RPRD2: variants seen among roughly 807,000 people sequenced by gnomAD.
The protein encoded by RPRD2 is regulation of nuclear pre-mRNA domain containing 2, also known as regulation of nuclear pre-mRNA domain-containing protein 2.
In RPRD2, 12 loss-of-function variants were observed where a neutral mutation model predicts 104.4. The ratio of observed to expected loss-of-function variants is 0.11; its 90% CI spans 0.07 to 0.19. RPRD2 has a LOEUF of 0.19. RPRD2 is among the 10% of genes least tolerant of loss of function. The pLI, the probability that RPRD2 is intolerant of heterozygous loss-of-function variation, is 1.00. For synonymous variants in RPRD2, 714 were observed against 684.9 expected, an observed-to-expected ratio of 1.04 and a Z score of -0.66; for missense variants, 1,543 against 1,790.1, an observed-to-expected ratio of 0.86 and a Z score of 2.49.
At chr1:150,369,478 A>T (rs1660115532) in intron 1 of RPRD2, among the ~76,000 whole-genome samples, 1 of 51,946 alleles carries the variant, frequency 1.9e-5, no homozygotes, top group South Asian at 6.1e-4. Context: ...TTTTTTTGAG[A>T]CGGAGTCTTG....
At chr1:150,371,966 T>TA (rs782381368) in intron 1 of RPRD2, among the ~76,000 whole-genome samples, 3 of 152,162 alleles carry the variant, frequency 2.0e-5, no homozygotes, top group Non-Finnish European at 4.4e-5. Context: ...GAAGTTCTGA[T>TA]AGGCATTTAT....
chr1:150,393,661 G>A (rs946261898), intron 1 of RPRD2, among the ~76,000 whole-genome samples: 35 of 152,100 alleles, frequency 2.3e-4, no homozygotes, highest in Admixed American at 5.2e-4. Flanking sequence ...TAGTGGGATG[G>A]CATGAAAATT....
chr1:150,466,491 G>A (rs1266262948), intron 10 of RPRD2, among the ~76,000 whole-genome samples: 1 of 149,108 alleles, frequency 6.7e-6, no homozygotes, highest in African/African-American at 2.5e-5. Context: ...CAAGGCTGCA[G>A]TACGCTGTGG....
rs1281642801 is a variant in RPRD2, at chr1:150,438,085, C to G, written c.336-2838C>G. Among the ~76,000 whole-genome samples the G allele has an allele frequency of 2.0e-5, 3 of 147,646 alleles. No homozygotes were observed. The East Asian group carries it at 6.2e-4, about 31-fold the overall frequency. ...GATCATGAGGTCAGGAGTTTGAGAC[C>G]AGCCTGGCCAATACGGTGAAACCCC... On this transcript the variant is annotated intron_variant, in intron 2 of 10. Transcript: ENST00000369068.
chr1:150,398,047 GCA>G (rs1662663914), intron 1 of RPRD2, among the ~76,000 whole-genome samples: 2 of 151,950 alleles, frequency 1.3e-5, no homozygotes, highest in African/African-American at 4.8e-5. Context: ...GAGTGCAGTG[GCA>G]TGATCTTGTC....
At chr1:150,459,910 C>A in intron 8 of RPRD2, 150 bp from the exon 9 acceptor site, 1 of 699,342 alleles carries the variant, frequency 1.4e-6, no homozygotes, top group Non-Finnish European at 2.4e-6. Context: ...AAGAGTATGA[C>A]TTTTTCAAAA....
At chr1:150,441,206 G>A in intron 3 of RPRD2, 183 bp downstream of exon 3, 1 of 475,656 alleles carries the variant, frequency 2.1e-6, no homozygotes, top group Non-Finnish European at 3.7e-6. Context: ...AAGTAGAATT[G>A]GTTTTAGGGA....
intron 7 of RPRD2, among the ~76,000 whole-genome samples, chr1:150,452,199 G>T (rs1667233360): frequency 6.6e-6 from 1 of 151,288 alleles, no homozygotes; most frequent in South Asian, 2.1e-4. Flanking sequence ...AAAGCACAGG[G>T]AGAACATCAT....
intron 9 of RPRD2, among the ~76,000 whole-genome samples, chr1:150,461,795 A>G (rs1356550476): frequency 1.3e-5 from 2 of 151,914 alleles, no homozygotes; most frequent in Non-Finnish European, 2.9e-5. Flanking sequence ...CCTGGCCAAC[A>G]TGGTAAAACC....
rs587657131 is a variant in RPRD2 at position 150,407,342 on chromosome 1, G to A, written c.206-10254G>A. ...AAAAATACATTATTTAGTAAACAAA[G>A]CATCTCTGACTTCTATACATACAGC... is the stretch of plus-strand genomic sequence containing the variant. On this transcript the variant is annotated intron_variant, in intron 1 of 10. Transcript: ENST00000369068. Among the ~76,000 whole-genome samples the A allele has an allele frequency of 1.4e-4, 22 of 152,190 alleles. No homozygotes were observed. In the East Asian group the frequency reaches 4.1e-3, roughly 28 times the overall value.
At chr1:150,409,095 AAGTTAAC>A (rs1663711775) in intron 1 of RPRD2, 2 of 152,224 alleles carry the variant, frequency 1.3e-5, no homozygotes, top group African/African-American at 2.4e-5. Flanking sequence ...GTCTCCTACC[AAGTTAAC>A]AGTTTTATTT....
chr1:150,386,728 A>G (rs1408924693), intron 1 of RPRD2, among the ~76,000 whole-genome samples: 1 of 152,152 alleles, frequency 6.6e-6, no homozygotes, highest in African/African-American at 2.4e-5. Flanking sequence ...TTTTACTGAC[A>G]TATGCAATTT....
rs747568174 is a variant in RPRD2 at position 150,473,174 on chromosome 1, G to A, written c.4226G>A (p.Arg1409Gln). The change falls in exon 11 of 11, where the codon CGG becomes CAG. Residue 1409 changes from arginine to glutamine, a missense_variant. This residue lies in a region of RPRD2 where 880 missense variants were observed against 885.6 expected (regional missense o/e 0.99). Coordinates refer to ENST00000369068, the MANE Select transcript of RPRD2 (RefSeq NM_015203.5). ...CCCTCACACAGAGACACCATCAGCC[G>A]GAGTGGTATAATCTTACGGAGTCCC... ...LGPSHRDTIS[R>Q]SGIILRSPRP... 60 of 1,613,892 alleles carry A rather than the reference G, an allele frequency of 3.7e-5. No homozygotes were observed. The highest frequency in any genetic ancestry group is 8.0e-5 in the African/African-American group (6 of 74,940).
At chr1:150,456,496 G>A (rs1049972132) in intron 7 of RPRD2, among the ~76,000 whole-genome samples, 4 of 152,094 alleles carry the variant, frequency 2.6e-5, no homozygotes, top group African/African-American at 9.7e-5. Flanking sequence ...CGCCAGGGAT[G>A]ATGGTGTATG....
chr1:150,370,900 T>C (rs1485740514), intron 1 of RPRD2, among the ~76,000 whole-genome samples: 1 of 152,104 alleles, frequency 6.6e-6, no homozygotes, highest in Non-Finnish European at 1.5e-5. Context: ...AGAAACTTTA[T>C]GTATAAAAAT....
intron 2 of RPRD2, among the ~76,000 whole-genome samples, chr1:150,420,026 C>T (rs1414715802): frequency 1.3e-5 from 2 of 152,154 alleles, no homozygotes; most frequent in South Asian, 4.1e-4. Flanking sequence ...AGCCAGATTC[C>T]CACTTCAGGC....
intron 1 of RPRD2, among the ~76,000 whole-genome samples, chr1:150,386,803 AC>A (rs1553881909): frequency 6.6e-6 from 1 of 152,208 alleles, no homozygotes; most frequent in Non-Finnish European, 1.5e-5. Context: ...GTGGATACTC[AC>A]AATGCTTGAG....
Position 150,471,224 on chromosome 1 carries a change from C to G in RPRD2, c.2276C>G (p.Pro759Arg). Residue 759 changes from proline to arginine, a missense_variant, in exon 11 of 11, where the codon CCT becomes CGT. Pro to Arg is a moderately radical substitution (Grantham distance 103, BLOSUM62 -2). Coordinates refer to ENST00000369068, the MANE Select transcript of RPRD2 (RefSeq NM_015203.5). The surrounding 1 kb of genome is among the most constrained non-coding windows in gnomAD (Gnocchi z 5.3). Reference sequence around the variant, plus strand: ...TCCCTGCTTTCTAAGATCATTAGCCCTGGTTCCTCAACACCCAGCAGTACA... The same window carrying G: ...TCCCTGCTTTCTAAGATCATTAGCCGTGGTTCCTCAACACCCAGCAGTACA... Reference protein sequence around the residue: ...TMSLLSKIISPGSSTPSSTRS... With the variant: ...TMSLLSKIISRGSSTPSSTRS... 6.2e-7 allele frequency: 1 copy of G among 1,613,866 alleles called. No homozygotes were observed. Among genetic ancestry groups the G allele is most frequent in the Non-Finnish European group, 8.5e-7 (1 of 1,179,864 alleles).
Position 150,411,576 on chromosome 1 carries a change from A to T in RPRD2, c.206-6020A>T, listed in dbSNP as rs183524551. ...AGGCCCAAGGCAGGTGGATCACCTG[A>T]GGTCAGGAGTTTTAGACCAGCCTGA... On this transcript the variant is annotated intron_variant, in intron 1 of 10. Coordinates refer to ENST00000369068, the MANE Select transcript of RPRD2 (RefSeq NM_015203.5). Among the ~76,000 whole-genome samples, 555 of 119,802 alleles carry T rather than the reference A, an allele frequency of 4.6e-3. 78 individuals are homozygous for T. Among genetic ancestry groups the T allele is most frequent in the African/African-American group, 0.019 (533 of 28,320 alleles). 78.6% of individuals were successfully genotyped at this position (119,802 alleles called of 152,430 possible). A position where few individuals can be genotyped will look rare whatever the true frequency, so the allele number is the denominator to read the frequency against.
Sources: allele counts gnomAD v4.1 joint callset (sites outside exome capture counted in the v4.1 genomes callset), GRCh38; gene constraint gnomAD v4.1.1; regional missense constraint gnomAD v4.1.1; non-coding constraint Gnocchi (gnomAD v3.1); transcripts MANE v1.5; gene names NCBI Gene and HGNC (gene_info 2026-07-23, HGNC 2026-07-21).